ADGRE2: variants seen among roughly 807,000 people sequenced by gnomAD.
ADGRE2 encodes CD97 antigen.
ADGRE2 carries 83 observed loss-of-function variants against 100.8 expected under a neutral mutation model. The ratio of observed to expected loss-of-function variants is 0.82; its 90% confidence interval spans 0.69 to 0.99. The LOEUF (loss-of-function observed/expected upper bound fraction) is 0.99. Ranked by LOEUF, ADGRE2 falls within the 50% of genes least tolerant of loss-of-function variation. The pLI, the probability that ADGRE2 is intolerant of heterozygous loss-of-function variation, is 0.00. For missense variants in ADGRE2, 814 were observed against 1,035.7 expected (o/e 0.79, Z 2.94); for synonymous variants, 355 against 413.0 (o/e 0.86, Z 1.70).
In ADGRE2 at chr19:14,778,398, G is replaced by C. The variant is rs991474789; in HGVS notation, c.-313C>G. On this transcript the variant is annotated 5_prime_UTR_variant, in exon 1 of 21. Coordinates refer to ENST00000315576, the MANE Select transcript of ADGRE2 (RefSeq NM_013447.4). Reference sequence around the variant, plus strand: ...CACTCCAGCTTGGGTGATAGAGTGAGACCCTGTGTCAAAAACAAAAAGAAA... The same window carrying C: ...CACTCCAGCTTGGGTGATAGAGTGACACCCTGTGTCAAAAACAAAAAGAAA... The C allele has an allele frequency of 1.6e-6, 1 of 618,258 alleles. No individual in the cohort carries two copies. Among genetic ancestry groups the C allele is most frequent in the African/African-American group, 2.0e-5 (1 of 50,264 alleles). The allele number at this position is 618,258 out of a possible 1,614,324, so 38.3% of individuals were successfully genotyped here.
intron 16 of ADGRE2, among the ~76,000 whole-genome samples, chr19:14,749,545 ATTATT>A (rs1568589617): frequency 2.9e-5 from 4 of 138,692 alleles, no homozygotes; most frequent in Admixed American, 7.4e-5. Context: ...TGGTTATATA[ATTATT>A]TATAGTTATG....
intron 5 of ADGRE2, among the ~76,000 whole-genome samples, chr19:14,770,953 T>G (rs2147510093): frequency 6.6e-6 from 1 of 152,302 alleles, no homozygotes; most frequent in East Asian, 1.9e-4. Flanking sequence ...GTGCTGGGAT[T>G]ACAGGCGTGA....
At chr19:14,770,183 CT>C (rs918057970) in intron 5 of ADGRE2, among the ~76,000 whole-genome samples, 5 of 152,142 alleles carry the variant, frequency 3.3e-5, no homozygotes, top group African/African-American at 4.8e-5. Context: ...TCATGAACAT[CT>C]CGGTGCTGTC....
At chr19:14,742,566 G>A (rs1001058029) in intron 20 of ADGRE2, among the ~76,000 whole-genome samples, 1 of 152,196 alleles carries the variant, frequency 6.6e-6, no homozygotes, top group Non-Finnish European at 1.5e-5. Context: ...TTTGCAGTGG[G>A]TAGAGGGTGC....
In ADGRE2 at chr19:14,767,110, C is replaced by T. The variant is rs376667808; in HGVS notation, c.356-1G>A. On this transcript the variant is annotated splice_acceptor_variant, in intron 5 of 20. Transcript: ENST00000315576. LOFTEE classifies it high-confidence loss of function. ...GGGTTCTGCTGACATTCGTCCACAT[C>T]TGCAAGAGGAAGGAGAGGGTGAAGA... 1.9e-6 allele frequency: 3 copies of T among 1,604,668 alleles called. No individual in the cohort carries two copies. The highest frequency in any genetic ancestry group is 2.6e-6 in the Non-Finnish European group (3 of 1,176,344).
At chr19:14,748,746 C>A (rs932500193) in intron 16 of ADGRE2, among the ~76,000 whole-genome samples, 3 of 151,898 alleles carry the variant, frequency 2.0e-5, no homozygotes, top group Non-Finnish European at 4.4e-5. Flanking sequence ...TTCACAAAAC[C>A]AAAAACGGAA....
downstream of ADGRE2, among the ~76,000 whole-genome samples, chr19:14,727,951 G>A (rs7254950): frequency 5.3e-3 from 810 of 152,262 alleles, 7 homozygotes; most frequent in African/African-American, 0.018. Flanking sequence ...GGCCAGGTGC[G>A]GTGGCTCACG....
chr19:14,764,410 C>G (rs756839318), intron 11 of ADGRE2, 23 bp downstream of exon 11: 1 of 1,610,460 alleles, frequency 6.2e-7, no homozygotes, highest in Non-Finnish European at 8.5e-7. Flanking sequence ...GAGCTGGAGT[C>G]TGGGGCAGAC....
intron 2 of ADGRE2, among the ~76,000 whole-genome samples, chr19:14,775,201 C>T (rs537524029): frequency 6.6e-5 from 10 of 151,704 alleles, no homozygotes; most frequent in African/African-American, 2.4e-4. Flanking sequence ...GATGGGGTTT[C>T]ACCATGTTGG....
the ADGRE2 span, among the ~76,000 whole-genome samples, chr19:14,724,895 T>C: frequency 6.6e-6 from 1 of 152,262 alleles, no homozygotes; most frequent in African/African-American, 2.4e-5. Context: ...TATTTAATGC[T>C]ATGTTCTTCA....
At chr19:14,740,225 T>A (rs1432536926) in intron 20 of ADGRE2, among the ~76,000 whole-genome samples, 3 of 127,650 alleles carry the variant, frequency 2.4e-5, no homozygotes, top group Non-Finnish European at 4.5e-5. Flanking sequence ...CTTGGATTTG[T>A]GTGTGTGTGT....
At chr19:14,773,606 G>T (rs1367252452) in intron 4 of ADGRE2, among the ~76,000 whole-genome samples, 1 of 151,530 alleles carries the variant, frequency 6.6e-6, no homozygotes, top group African/African-American at 2.4e-5. Flanking sequence ...CAAACTCCTG[G>T]GCTCAAACAA....
chr19:14,734,955 T>A lies in ADGRE2; in HGVS notation c.*1281A>T, dbSNP rs1781462728. 1 of 152,260 alleles carries A rather than the reference T, an allele frequency of 6.6e-6. No individual in the cohort carries two copies. Among genetic ancestry groups the A allele is most frequent in the South Asian group, 2.1e-4 (1 of 4,834 alleles). 9.4% of individuals were successfully genotyped at this position (152,260 alleles called of 1,614,324 possible). A position where few individuals can be genotyped will look rare whatever the true frequency, so the allele number is the denominator to read the frequency against. ...GAGCTTTGGCTGACACTATGTTGCCTGCTTTTTACTGTACACATGGCTGGC... is the reference window on the plus strand; with the variant it reads ...GAGCTTTGGCTGACACTATGTTGCCAGCTTTTTACTGTACACATGGCTGGC... On this transcript the variant is annotated 3_prime_UTR_variant, in exon 21 of 21. Coordinates refer to ENST00000315576, the MANE Select transcript of ADGRE2 (RefSeq NM_013447.4).
Position 14,736,015 on chromosome 19 carries a change from A to G in ADGRE2, c.*221T>C. On this transcript the variant is annotated 3_prime_UTR_variant, in exon 21 of 21. Coordinates refer to ENST00000315576, the MANE Select transcript of ADGRE2 (RefSeq NM_013447.4). ...AGATATGGGCCACAGCTGGCCGTCC[A>G]TATGCTGAGAGTTTGATGAGCACAT... The G allele has an allele frequency of 2.0e-6, 1 of 502,368 alleles. No homozygotes were observed. Among genetic ancestry groups the G allele is most frequent in the Non-Finnish European group, 3.7e-6 (1 of 269,812 alleles). 31.1% of individuals were successfully genotyped at this position (502,368 alleles called of 1,614,324 possible).
At position 14,756,248 on chromosome 19, in the gene ADGRE2, A is replaced by C; in HGVS notation, c.1182T>G (p.Ser394=). 4 of 1,613,484 alleles carry C rather than the reference A, an allele frequency of 2.5e-6. No homozygotes were observed. Among genetic ancestry groups the C allele is most frequent in the Non-Finnish European group, 3.4e-6 (4 of 1,179,506 alleles). ...MQLDWNQAQK[S]GDPGPSVVGL... ...CATCTCAGCCATTACCTGGGTCACC[A>C]GATTTCTGTGCCTGATTCCAGTCGA... is the stretch of plus-strand genomic sequence containing the variant. Residue 394 remains serine (S), a synonymous_variant, in exon 12 of 21, where the codon TCT becomes TCG. Coordinates refer to ENST00000315576, the MANE Select transcript of ADGRE2 (RefSeq NM_013447.4).
intron 11 of ADGRE2, among the ~76,000 whole-genome samples, chr19:14,761,756 C>T (rs533003402): frequency 1.1e-4 from 17 of 152,028 alleles, no homozygotes; most frequent in South Asian, 4.2e-4. Flanking sequence ...GCGAAGACTC[C>T]ATTTGCATAA....
intron 20 of ADGRE2, among the ~76,000 whole-genome samples, chr19:14,739,287 A>G (rs1042984122): frequency 1.3e-5 from 2 of 152,144 alleles, no homozygotes; most frequent in African/African-American, 4.8e-5. Flanking sequence ...ATACATTTTC[A>G]AACACCAGAG....
intron 5 of ADGRE2, among the ~76,000 whole-genome samples, chr19:14,770,100 C>T (rs2044142906): frequency 6.6e-6 from 1 of 152,122 alleles, no homozygotes; most frequent in South Asian, 2.1e-4. Context: ...CTCCAAATCT[C>T]ACGTTGAAAT....
Position 14,772,382 on chromosome 19 carries a change from C to G in ADGRE2, c.315G>C (p.Gly105=). 6.2e-7 allele frequency: 1 copy of G among 1,614,000 alleles called. No homozygotes were observed. Among genetic ancestry groups the G allele is most frequent in the Non-Finnish European group, 8.5e-7 (1 of 1,180,020 alleles). The change falls in exon 5 of 21, where the codon GGG becomes GGC. Residue 105 remains glycine, a synonymous_variant. Coordinates refer to ENST00000315576, the MANE Select transcript of ADGRE2 (RefSeq NM_013447.4). ...VCSPGYEPVS[G]AKTFKNESEN... ...CGCTCTCATTCTTGAATGTTTTTGCCCCAGAAACAGGCTCATATCCTGGGC... is the reference window on the plus strand; with the variant it reads ...CGCTCTCATTCTTGAATGTTTTTGCGCCAGAAACAGGCTCATATCCTGGGC...
Sources: allele counts gnomAD v4.1 joint callset (sites outside exome capture counted in the v4.1 genomes callset), GRCh38; gene constraint gnomAD v4.1.1; transcripts MANE v1.5; gene names NCBI Gene and HGNC (gene_info 2026-07-23, HGNC 2026-07-21).